Variants in STK3 observed in about 807,000 individuals in gnomAD.
STK3 encodes serine/threonine kinase 3, also known as serine/threonine-protein kinase 3.
In STK3, 41 loss-of-function variants were observed where a neutral mutation model predicts 58.0. The observed-to-expected ratio is 0.71, with a 90% CI of 0.55 to 0.92. STK3 has a LOEUF of 0.92. Ranked by LOEUF, STK3 falls within the 40% of genes least tolerant of loss-of-function variation. The pLI is 0.00. For missense variants in STK3, 479 were observed against 602.7 expected, an observed-to-expected ratio of 0.79 and a Z score of 2.15; for synonymous variants, 170 against 191.0, an observed-to-expected ratio of 0.89 and a Z score of 0.91.
At chr8:98,771,583 G>A (rs1467067722) in intron 2 of STK3, among the ~76,000 whole-genome samples, 1 of 136,558 alleles carries the variant, frequency 7.3e-6, no homozygotes. Flanking sequence ...TTTTTTTTTT[G>A]AGACAGAGTC....
chr8:98,389,871 G>A (rs1311774819), upstream of STK3, among the ~76,000 whole-genome samples: 2 of 151,766 alleles, frequency 1.3e-5, no homozygotes, highest in East Asian at 3.9e-4. Flanking sequence ...CCAGAAGGAG[G>A]GAGAAGAACC....
chr8:98,556,982 G>C (rs1051459614), intron 8 of STK3, among the ~76,000 whole-genome samples: 2 of 152,000 alleles, frequency 1.3e-5, no homozygotes, highest in African/African-American at 4.8e-5. Context: ...AATAAAATAG[G>C]TAACACCAGT....
intron 1 of STK3, among the ~76,000 whole-genome samples, chr8:98,896,095 T>C (rs1838435861): frequency 6.6e-6 from 1 of 152,124 alleles, no homozygotes; most frequent in Admixed American, 6.5e-5. Context: ...GCCCCTGAAA[T>C]AGTTCTTTAT....
intron 10 of STK3, among the ~76,000 whole-genome samples, chr8:98,469,143 T>TAATA (rs1820715935): frequency 1.3e-5 from 2 of 150,154 alleles, no homozygotes; most frequent in Admixed American, 1.3e-4. Context: ...GATGAGAAAG[T>TAATA]AATATGCCAC....
chr8:98,517,495 C>G (rs1825024793), intron 10 of STK3, among the ~76,000 whole-genome samples: 1 of 151,990 alleles, frequency 6.6e-6, no homozygotes, highest in Non-Finnish European at 1.5e-5. Context: ...GTGCATACTT[C>G]TAACTGTGGA....
At chr8:98,384,462 T>C (rs1242183483) in intron 1 of STK3, among the ~76,000 whole-genome samples, 1 of 152,240 alleles carries the variant, frequency 6.6e-6, no homozygotes, top group Non-Finnish European at 1.5e-5. Flanking sequence ...TTCAACTCTT[T>C]GTTTAACACT....
At chr8:98,477,558 T>C (rs1002149491) in intron 10 of STK3, among the ~76,000 whole-genome samples, 10 of 151,694 alleles carry the variant, frequency 6.6e-5, no homozygotes, top group Non-Finnish European at 1.5e-4. Context: ...AAATGTCCAT[T>C]AGCAATTCAT....
chr8:98,825,925 C>G (rs1391561456), upstream of STK3, among the ~76,000 whole-genome samples: 1 of 147,076 alleles, frequency 6.8e-6, no homozygotes, highest in Non-Finnish European at 1.5e-5. Flanking sequence ...GTGGACGGAG[C>G]CGGGCACCGC....
In STK3 at chr8:98,428,620, T is replaced by C; in HGVS notation, n.483+5507A>G. On this transcript the variant is annotated intron_variant and non_coding_transcript_variant, in intron 3 of 3. Transcript: ENST00000517832. This position sits in a 1 kb window ranked among gnomAD's most constrained non-coding sequence, Gnocchi z 6.7. The stretch of plus-strand genomic sequence containing the variant: ...CTCAATAGCCTGCCCGATTTCCAAA[T>C]CCCTGACAGCCAGGGCAACCCTGGC... The C allele has an allele frequency of 1.2e-6, 2 of 1,614,106 alleles. No homozygotes were observed. Among genetic ancestry groups the C allele is most frequent in the South Asian group, 1.1e-5 (1 of 91,080 alleles).
At chr8:98,632,988 A>G (rs1819370177) in intron 6 of STK3, among the ~76,000 whole-genome samples, 1 of 152,238 alleles carries the variant, frequency 6.6e-6, no homozygotes, top group Non-Finnish European at 1.5e-5. Flanking sequence ...TTAGTATGTC[A>G]TAAAGCGTAG....
chr8:98,443,084 G>A (rs1029008764), intron 1 of STK3, among the ~76,000 whole-genome samples: 25 of 151,618 alleles, frequency 1.6e-4, no homozygotes, highest in African/African-American at 5.3e-4. Flanking sequence ...TGAATTAAAC[G>A]GTCTAGACAT....
intron 3 of STK3, among the ~76,000 whole-genome samples, chr8:98,834,415 G>A (rs183818307): frequency 2.0e-5 from 3 of 152,250 alleles, no homozygotes; most frequent in East Asian, 1.9e-4. Context: ...ATTGGAATCC[G>A]ATTATGTAGA....
intron 1 of STK3, among the ~76,000 whole-genome samples, chr8:98,896,965 A>C (rs1838471424): frequency 6.6e-6 from 1 of 152,024 alleles, no homozygotes; most frequent in Non-Finnish European, 1.5e-5. Context: ...GGCGACAGAG[A>C]CCCTGTCTCA....
intron 2 of STK3, among the ~76,000 whole-genome samples, chr8:98,373,243 C>T (rs1817631791): frequency 6.6e-6 from 1 of 152,164 alleles, no homozygotes; most frequent in Admixed American, 6.5e-5. Context: ...CTTAACATCT[C>T]CTTCTGTGTC....
intron 6 of STK3, among the ~76,000 whole-genome samples, chr8:98,697,262 G>T (rs190594217): frequency 6.6e-6 from 1 of 151,890 alleles, no homozygotes; most frequent in South Asian, 2.1e-4. Flanking sequence ...TTCTTTATTA[G>T]TCTTGCTAGC....
chr8:98,897,366 G>A (rs1838492235), intron 1 of STK3, among the ~76,000 whole-genome samples: 1 of 152,092 alleles, frequency 6.6e-6, no homozygotes, highest in South Asian at 2.1e-4. Flanking sequence ...GACCATCCTG[G>A]TTAACACGGT....
chr8:98,679,484 T>C (rs1563881599), intron 6 of STK3, among the ~76,000 whole-genome samples: 1 of 152,226 alleles, frequency 6.6e-6, no homozygotes, highest in Admixed American at 6.5e-5. Context: ...TTCCCTGTTT[T>C]ATTTTTTCTA....
chr8:98,474,426 C>T (rs976460375), intron 10 of STK3, among the ~76,000 whole-genome samples: 1 of 152,188 alleles, frequency 6.6e-6, no homozygotes, highest in Non-Finnish European at 1.5e-5. Flanking sequence ...TCAGCTTGTG[C>T]TACTCTAGCC....
chr8:98,582,963 G>C (rs901562422), intron 7 of STK3, among the ~76,000 whole-genome samples: 1 of 152,008 alleles, frequency 6.6e-6, no homozygotes, highest in East Asian at 1.9e-4. Context: ...AATATATCAA[G>C]TTTATAACTA....
Sources: allele counts gnomAD v4.1 joint callset (sites outside exome capture counted in the v4.1 genomes callset), GRCh38; gene constraint gnomAD v4.1.1; non-coding constraint Gnocchi (gnomAD v3.1); transcripts MANE v1.5; gene names NCBI Gene and HGNC (gene_info 2026-07-23, HGNC 2026-07-21).